HECTD2: variants seen among roughly 807,000 people sequenced by gnomAD.
HECTD2 encodes the protein probable E3 ubiquitin-protein ligase HECTD2.
HECTD2 carries 35 observed loss-of-function variants against 103.2 expected under a neutral mutation model. The observed-to-expected ratio is 0.34, with a 90% CI of 0.26 to 0.45. HECTD2 has a LOEUF of 0.45. Ranked by LOEUF, HECTD2 falls within the 20% of genes least tolerant of loss-of-function variation. The probability of loss-of-function intolerance (pLI) is 1.00; values close to 1 mark genes in which losing one functional copy is unlikely to be tolerated. For missense variants in HECTD2, 596 were observed against 937.4 expected (o/e 0.64, Z 4.76); for synonymous variants, 281 against 329.9 (o/e 0.85, Z 1.61).
intron 5 of HECTD2, among the ~76,000 whole-genome samples, chr10:91,477,612 G>T (rs897899963): frequency 2.5e-4 from 38 of 152,310 alleles, no homozygotes; most frequent in African/African-American, 8.4e-4. Flanking sequence ...TGATAGACAT[G>T]TCTTGGAAGT....
intron 1 of HECTD2, among the ~76,000 whole-genome samples, chr10:91,415,873 A>G (rs1450140906): frequency 2.0e-5 from 3 of 152,196 alleles, no homozygotes; most frequent in Non-Finnish European, 4.4e-5. Context: ...TATATGTAAA[A>G]TCAATCTGAT....
chr10:91,499,290 A>G (rs1019475928), intron 18 of HECTD2, 140 bp downstream of exon 18: 11 of 569,604 alleles, frequency 1.9e-5, no homozygotes, highest in African/African-American at 1.5e-4. Context: ...ACTAAAAACA[A>G]AAATAGTTCT....
At chr10:91,507,379 T>C (rs1404005043) in intron 20 of HECTD2, among the ~76,000 whole-genome samples, 1 of 151,432 alleles carries the variant, frequency 6.6e-6, no homozygotes, top group Admixed American at 6.6e-5. Context: ...GAAAACCCCA[T>C]TGTCTCAGCC....
At chr10:91,504,427 C>A (rs1316391690) in intron 20 of HECTD2, among the ~76,000 whole-genome samples, 1 of 151,840 alleles carries the variant, frequency 6.6e-6, no homozygotes, top group East Asian at 1.9e-4. Flanking sequence ...CAGAGAAGTG[C>A]TTAAAGGAGC....
chr10:91,477,370 A>G (rs1845947082), intron 5 of HECTD2, among the ~76,000 whole-genome samples: 1 of 152,160 alleles, frequency 6.6e-6, no homozygotes, highest in Non-Finnish European at 1.5e-5. Flanking sequence ...TGTCAGTGGT[A>G]TTGAGTGTCC....
chr10:91,449,661 C>A (rs1369754145), intron 2 of HECTD2, among the ~76,000 whole-genome samples: 1 of 152,190 alleles, frequency 6.6e-6, no homozygotes, highest in Non-Finnish European at 1.5e-5. Flanking sequence ...AGCCAGAAAT[C>A]TCCTTAAGCT....
chr10:91,409,664 T>C (rs1842834368), upstream of HECTD2, among the ~76,000 whole-genome samples: 1 of 152,136 alleles, frequency 6.6e-6, no homozygotes, highest in Non-Finnish European at 1.5e-5. Context: ...AGGCTTTTCC[T>C]GTGTAGGCTG....
chr10:91,436,680 T>G (rs1330699113), intron 2 of HECTD2, among the ~76,000 whole-genome samples: 5 of 151,976 alleles, frequency 3.3e-5, no homozygotes, highest in Non-Finnish European at 7.4e-5. Context: ...GGAGCTAACT[T>G]TTTATTCAGT....
intron 5 of HECTD2, among the ~76,000 whole-genome samples, chr10:91,475,596 T>G (rs1845873114): frequency 6.6e-6 from 1 of 152,154 alleles, no homozygotes; most frequent in African/African-American, 2.4e-5. Flanking sequence ...TGAGAAGAGA[T>G]AGTACAGATA....
chr10:91,490,687 C>G (rs369190834), intron 11 of HECTD2, among the ~76,000 whole-genome samples: 8 of 151,104 alleles, frequency 5.3e-5, no homozygotes, highest in East Asian at 1.9e-4. Flanking sequence ...GTCAGGAGAT[C>G]GAGACCATCC....
At chr10:91,420,568 A>G (rs571764360) in intron 1 of HECTD2, among the ~76,000 whole-genome samples, 2 of 151,956 alleles carry the variant, frequency 1.3e-5, no homozygotes, top group South Asian at 4.2e-4. Context: ...AGCCTGGGCG[A>G]CAGAGCAAGA....
At position 91,441,907 on chromosome 10, in the gene HECTD2, T is replaced by TG. The variant is rs1243267576; in HGVS notation, c.268+16497_268+16498insG. 3.8e-4 allele frequency among the ~76,000 whole-genome samples: 47 copies of TG among 123,046 alleles called. No individual in the cohort carries two copies. In the East Asian group the frequency reaches 6.7e-3, roughly 18 times the overall value. 80.7% of individuals were successfully genotyped at this position (123,046 alleles called of 152,430 possible). A position where few individuals can be genotyped will look rare whatever the true frequency, so the allele number is the denominator to read the frequency against. On this transcript the variant is annotated intron_variant, in intron 2 of 20. Transcript: ENST00000298068. ...CTTGCTTTTTTTTTTTTTTTTTTTT[T>TG]CTTTTTTTTTTGCTTTCCATTTGTG...
intron 14 of HECTD2, among the ~76,000 whole-genome samples, chr10:91,494,987 T>G (rs2133329714): frequency 6.6e-6 from 1 of 152,100 alleles, no homozygotes; most frequent in South Asian, 2.1e-4. Context: ...TATTAGTTTC[T>G]ATTTAGTCAT....
chr10:91,512,326 A>G lies in HECTD2; in HGVS notation c.2273A>G (p.Asp758Gly). ...CTTCCCCCCTACAAGAGCAAAAAGG[A>G]TCTGAAACAGAAATTGATCATTGGA... The part of the protein sequence containing the change: ...LCLPPYKSKK[D>G]LKQKLIIGIS... Residue 758 changes from aspartate to glycine, a missense_variant, in exon 21 of 21, where the codon GAT (aspartate) becomes GGT (glycine). Asp to Gly is a moderately conservative substitution (Grantham distance 94). This residue lies in a region of HECTD2 where 69 missense variants were observed against 153.8 expected (regional missense o/e 0.45). Coordinates refer to ENST00000298068, the MANE Select transcript of HECTD2 (RefSeq NM_182765.6). 6.2e-7 allele frequency: 1 copy of G among 1,613,646 alleles called. No homozygotes were observed. The highest frequency in any genetic ancestry group is 8.5e-7 in the Non-Finnish European group (1 of 1,179,724).
chr10:91,453,165 C>T (rs191923660), intron 2 of HECTD2, among the ~76,000 whole-genome samples: 68 of 152,260 alleles, frequency 4.5e-4, no homozygotes, highest in African/African-American at 1.3e-3. Flanking sequence ...AGTGCAGTGA[C>T]TCACACCTGT....
chr10:91,509,172 C>T (rs1213596279), intron 20 of HECTD2, among the ~76,000 whole-genome samples: 1 of 150,630 alleles, frequency 6.6e-6, no homozygotes, highest in Non-Finnish European at 1.5e-5. Context: ...ATACCTAATG[C>T]TAGATGACGG....
At chr10:91,493,145 C>G (rs1846540103) in intron 13 of HECTD2, among the ~76,000 whole-genome samples, 1 of 151,444 alleles carries the variant, frequency 6.6e-6, no homozygotes, top group Admixed American at 6.6e-5. Context: ...TTATCTGATT[C>G]ATTTAGTTTC....
At chr10:91,499,808 A>G (rs1846822767) in intron 18 of HECTD2, among the ~76,000 whole-genome samples, 1 of 152,158 alleles carries the variant, frequency 6.6e-6, no homozygotes, top group Non-Finnish European at 1.5e-5. Context: ...ATTATTTTTC[A>G]TGGGAGAGAG....
At chr10:91,477,737 A>G (rs1845959546) in intron 5 of HECTD2, among the ~76,000 whole-genome samples, 1 of 152,206 alleles carries the variant, frequency 6.6e-6, no homozygotes. Context: ...TGAAGCTTCT[A>G]TTCTCTTATA....
Sources: gnomAD v4.1 joint callset for allele counts (sites outside exome capture counted in the v4.1 genomes callset) on GRCh38, gnomAD v4.1.1 for gene constraint, gnomAD v4.1.1 regional missense constraint, MANE v1.5 for transcripts, NCBI Gene and HGNC (gene_info 2026-07-23, HGNC 2026-07-21) for gene names.